Variants in NEGR1 observed in about 807,000 individuals in gnomAD.
NEGR1 encodes the protein IgLON family member 4.
In NEGR1, 10 loss-of-function variants were observed where a neutral mutation model predicts 40.9. That is an observed-to-expected ratio of 0.24 (90% CI 0.15 to 0.42). NEGR1 has a LOEUF of 0.42. Ranked by LOEUF, NEGR1 falls within the 10% of genes least tolerant of loss-of-function variation. NEGR1 has a pLI of 1.00. For missense variants in NEGR1, 352 were observed against 438.9 expected (o/e 0.80, Z 1.77); for synonymous variants, 185 against 166.8 (o/e 1.11, Z -0.84).
At chr1:71,621,955 A>G (rs1650623309) in intron 4 of NEGR1, among the ~76,000 whole-genome samples, 1 of 151,890 alleles carries the variant, frequency 6.6e-6, no homozygotes, top group Non-Finnish European at 1.5e-5. Context: ...AAGTGCAGTA[A>G]GAAGAGAAAG....
chr1:72,182,732 T>G (rs1423686927), intron 1 of NEGR1, among the ~76,000 whole-genome samples: 1 of 151,482 alleles, frequency 6.6e-6, no homozygotes, highest in East Asian at 1.9e-4. Context: ...AATTAAAATT[T>G]TATAATTGTA....
At position 72,036,872 on chromosome 1, in the gene NEGR1, G is replaced by A. The variant is rs147689890; in HGVS notation, c.177-101561C>T. On this transcript the variant is annotated intron_variant, in intron 1 of 6. Coordinates refer to ENST00000357731, the MANE Select transcript of NEGR1 (RefSeq NM_173808.3). Reference sequence around the variant, plus strand: ...TTTCTTTTTGTTTTTGCAACAAGGTGAGATATAAATATATATATCAGTGTA... The same window carrying A: ...TTTCTTTTTGTTTTTGCAACAAGGTAAGATATAAATATATATATCAGTGTA... Among the ~76,000 whole-genome samples, 47 of 152,090 alleles carry A rather than the reference G, an allele frequency of 3.1e-4. No individual in the cohort carries two copies. In the South Asian group the frequency reaches 8.3e-3, roughly 27 times the overall value.
chr1:71,474,717 CAAA>C lies in NEGR1; in HGVS notation c.941-67150_941-67148del, dbSNP rs56219737. ...TGGGTGGTGGAGCGAGACTCTATCTCAAAAAAAAAAAAAAAAAAAAACAAAAAA... is the reference window on the plus strand; with the variant it reads ...TGGGTGGTGGAGCGAGACTCTATCTCAAAAAAAAAAAAAAAAAACAAAAAA... On this transcript the variant is annotated intron_variant, in intron 6 of 6. Transcript: ENST00000357731. 3.8e-3 allele frequency among the ~76,000 whole-genome samples: 325 copies of C among 86,038 alleles called. 1 individual carries two copies. Among genetic ancestry groups the C allele is most frequent in the African/African-American group, 0.011 (234 of 21,958 alleles). 56.4% of individuals were successfully genotyped at this position (86,038 alleles called of 152,430 possible).
At chr1:72,125,637 G>A (rs1316083199) in intron 1 of NEGR1, among the ~76,000 whole-genome samples, 10 of 152,112 alleles carry the variant, frequency 6.6e-5, no homozygotes, top group Non-Finnish European at 1.3e-4. Context: ...CACAGATAGT[G>A]TATTAAATGG....
At chr1:72,057,121 G>C (rs903484505) in intron 1 of NEGR1, among the ~76,000 whole-genome samples, 1 of 151,532 alleles carries the variant, frequency 6.6e-6, no homozygotes, top group African/African-American at 2.4e-5. Context: ...TTCTCCAAGT[G>C]CCTGGCATTA....
At chr1:71,685,558 T>C (rs1653004290) in intron 4 of NEGR1, among the ~76,000 whole-genome samples, 2 of 152,092 alleles carry the variant, frequency 1.3e-5, no homozygotes, top group African/African-American at 4.8e-5. Flanking sequence ...CTGACTTTGT[T>C]CTCTGTCCGC....
intron 3 of NEGR1, among the ~76,000 whole-genome samples, chr1:71,754,669 T>C (rs1434991249): frequency 1.3e-5 from 2 of 149,918 alleles, no homozygotes; most frequent in East Asian, 4.1e-4. Context: ...TCATTCAATC[T>C]GGCTCCAGTT....
At chr1:71,510,794 G>A (rs1262256720) in intron 6 of NEGR1, among the ~76,000 whole-genome samples, 1 of 152,178 alleles carries the variant, frequency 6.6e-6, no homozygotes, top group Non-Finnish European at 1.5e-5. Flanking sequence ...GCTATTAAAA[G>A]TCTCACTTCC....
intron 3 of NEGR1, among the ~76,000 whole-genome samples, chr1:71,768,740 G>T (rs774747486): frequency 8.5e-5 from 13 of 152,114 alleles, no homozygotes; most frequent in Non-Finnish European, 1.8e-4. Context: ...CTGTGTCTTT[G>T]CTCAAGTCTC....
intron 1 of NEGR1, among the ~76,000 whole-genome samples, chr1:72,216,616 A>T (rs1406444575): frequency 6.6e-6 from 1 of 151,026 alleles, no homozygotes; most frequent in Non-Finnish European, 1.5e-5. Context: ...TAACTTTGAA[A>T]ACATAAAGTT....
intron 1 of NEGR1, among the ~76,000 whole-genome samples, chr1:72,248,840 C>T (rs1040232150): frequency 3.3e-5 from 5 of 152,024 alleles, no homozygotes; most frequent in South Asian, 2.1e-4. Flanking sequence ...GCCTTGACCT[C>T]CCAAAGTGCT....
intron 4 of NEGR1, among the ~76,000 whole-genome samples, chr1:71,650,414 T>C (rs1651672266): frequency 2.0e-5 from 3 of 152,182 alleles, no homozygotes; most frequent in Non-Finnish European, 4.4e-5. Flanking sequence ...CCATGGAAGC[T>C]GAATCTTTAG....
intron 1 of NEGR1, among the ~76,000 whole-genome samples, chr1:72,207,256 G>A (rs1469469039): frequency 6.6e-6 from 1 of 151,682 alleles, no homozygotes; most frequent in Non-Finnish European, 1.5e-5. Flanking sequence ...TATCAGATAA[G>A]GAAAATCTTA....
At chr1:72,075,155 C>T (rs1647666032) in intron 1 of NEGR1, among the ~76,000 whole-genome samples, 1 of 152,062 alleles carries the variant, frequency 6.6e-6, no homozygotes, top group Non-Finnish European at 1.5e-5. Flanking sequence ...ATATTTCAAA[C>T]CACCACATAG....
At chr1:71,908,234 T>G (rs907534026) in intron 2 of NEGR1, among the ~76,000 whole-genome samples, 1 of 151,338 alleles carries the variant, frequency 6.6e-6, no homozygotes, top group African/African-American at 2.4e-5. Context: ...AAAAAGAATA[T>G]TGTTTGGTTA....
At chr1:72,031,423 C>T (rs1480408648) in intron 1 of NEGR1, among the ~76,000 whole-genome samples, 1 of 152,100 alleles carries the variant, frequency 6.6e-6, no homozygotes, top group Non-Finnish European at 1.5e-5. Context: ...TTTTGCTGGA[C>T]ATTTTGTTTG....
intron 2 of NEGR1, among the ~76,000 whole-genome samples, chr1:71,874,463 TG>T (rs916766203): frequency 5.3e-5 from 8 of 152,170 alleles, no homozygotes; most frequent in Admixed American, 5.2e-4. Context: ...GCAAGGTTTG[TG>T]GGTCTCTATC....
chr1:71,894,374 G>A (rs1353161762), intron 2 of NEGR1, among the ~76,000 whole-genome samples: 1 of 152,098 alleles, frequency 6.6e-6, no homozygotes, highest in Non-Finnish European at 1.5e-5. Flanking sequence ...AGGAATAGGG[G>A]CTCTTTGAAG....
intron 4 of NEGR1, among the ~76,000 whole-genome samples, chr1:71,659,592 C>G (rs1651986638): frequency 6.6e-6 from 1 of 152,150 alleles, no homozygotes; most frequent in Non-Finnish European, 1.5e-5. Flanking sequence ...TGACAGAGGT[C>G]TACAATCGAG....
Sources: gnomAD v4.1 joint callset for allele counts (sites outside exome capture counted in the v4.1 genomes callset) on GRCh38, gnomAD v4.1.1 for gene constraint, MANE v1.5 for transcripts, NCBI Gene and HGNC (gene_info 2026-07-23, HGNC 2026-07-21) for gene names.